AKR1B15: variants seen among roughly 807,000 people sequenced by gnomAD.
The protein encoded by AKR1B15 is aldo-keto reductase family 1 member B15.
Under a neutral mutation model 38.5 loss-of-function variants are expected in AKR1B15, and 49 were observed. That is an observed-to-expected ratio of 1.27 (90% CI 1.01 to 1.62). The LOEUF is 1.62. AKR1B15 is among the 40% of genes most tolerant of loss of function. The pLI is 0.00. For synonymous variants in AKR1B15, 137 were observed against 135.5 expected, an observed-to-expected ratio of 1.01 and a Z score of -0.08; for missense variants, 411 against 381.6, an observed-to-expected ratio of 1.08 and a Z score of -0.64.
chr7:134,570,104 G>T (rs570406591), intron 5 of AKR1B15: 1 of 152,776 alleles, frequency 6.5e-6, no homozygotes, highest in South Asian at 2.1e-4. Flanking sequence ...CGCTCCTAGG[G>T]GTAGGCCTCT....
intron 3 of AKR1B15, among the ~76,000 whole-genome samples, chr7:134,565,954 G>A (rs1453008805): frequency 2.6e-5 from 4 of 152,112 alleles, no homozygotes; most frequent in African/African-American, 9.7e-5. Flanking sequence ...AGATCACCAT[G>A]TGGGACTTGG....
chr7:134,572,188 C>T (rs1794682115), intron 6 of AKR1B15, among the ~76,000 whole-genome samples: 1 of 152,092 alleles, frequency 6.6e-6, no homozygotes, highest in Non-Finnish European at 1.5e-5. Flanking sequence ...GGTTAACATC[C>T]CCATTTATAA....
At chr7:134,577,101 G>A (rs1794782557) in intron 10 of AKR1B15, 55 bp downstream of exon 10, 1 of 1,519,838 alleles carries the variant, frequency 6.6e-7, no homozygotes, top group Non-Finnish European at 9.1e-7. Context: ...GGGACAGGCA[G>A]ACCTTCTCAC....
chr7:134,560,902 G>C (rs1794367848), intron 2 of AKR1B15, among the ~76,000 whole-genome samples: 3 of 152,158 alleles, frequency 2.0e-5, no homozygotes, highest in African/African-American at 7.2e-5. Flanking sequence ...TTGATCTTTG[G>C]AGCCAAGGCT....
Position 134,579,675 on chromosome 7 carries a change from C to A in AKR1B15, c.*126C>A. The A allele has an allele frequency of 1.2e-6, 1 of 809,132 alleles. No homozygotes were observed. Among genetic ancestry groups the A allele is most frequent in the South Asian group, 2.0e-5 (1 of 49,434 alleles). 50.1% of individuals were successfully genotyped at this position (809,132 alleles called of 1,614,324 possible). ...ACAGTGAACTTTGTCCTGTTGTAGA[C>A]CAGAATGGAGGTGCTGTTTTAGACA... is the stretch of plus-strand genomic sequence containing the variant. On this transcript the variant is annotated 3_prime_UTR_variant, in exon 12 of 12. Coordinates refer to ENST00000457545, the MANE Select transcript of AKR1B15 (RefSeq NM_001080538.3).
At chr7:134,562,842 CT>C (rs774096530) in intron 2 of AKR1B15, among the ~76,000 whole-genome samples, 2 of 74,288 alleles carry the variant, frequency 2.7e-5, no homozygotes, top group Middle Eastern at 0.011. Flanking sequence ...CTCTTTCTTT[CT>C]TTCTTTCTTT....
chr7:134,557,592 C>T (rs1369116847), intron 2 of AKR1B15, among the ~76,000 whole-genome samples: 22 of 152,138 alleles, frequency 1.4e-4, no homozygotes, highest in Admixed American at 1.4e-3. Flanking sequence ...TTGACGGTGC[C>T]CAAAGCCTTT....
intron 2 of AKR1B15, among the ~76,000 whole-genome samples, chr7:134,558,305 C>A (rs951998886): frequency 1.3e-5 from 2 of 152,316 alleles, no homozygotes; most frequent in East Asian, 1.9e-4. Flanking sequence ...CACTGAAATG[C>A]CTCCAATTGG....
chr7:134,553,566 A>C (rs1794071009), intron 1 of AKR1B15, among the ~76,000 whole-genome samples: 1 of 152,194 alleles, frequency 6.6e-6, no homozygotes, highest in Non-Finnish European at 1.5e-5. Context: ...TCTGGGCCAG[A>C]ATTTAACCCT....
At chr7:134,559,672 G>C (rs1304484683) in intron 2 of AKR1B15, among the ~76,000 whole-genome samples, 1 of 152,146 alleles carries the variant, frequency 6.6e-6, no homozygotes, top group Admixed American at 6.5e-5. Flanking sequence ...TTTTAACCAA[G>C]TAAAGCTTCT....
intron 1 of AKR1B15, among the ~76,000 whole-genome samples, chr7:134,552,781 C>T (rs1794032134): frequency 6.6e-6 from 1 of 152,114 alleles, no homozygotes; most frequent in Admixed American, 6.5e-5. Context: ...CCTATCTTTG[C>T]TTTTGAACAG....
At chr7:134,558,968 G>A (rs1290456985) in intron 2 of AKR1B15, among the ~76,000 whole-genome samples, 1 of 152,052 alleles carries the variant, frequency 6.6e-6, no homozygotes, top group Admixed American at 6.5e-5. Flanking sequence ...TATGTACTGA[G>A]ACTGCAGTCT....
intron 4 of AKR1B15, among the ~76,000 whole-genome samples, chr7:134,569,082 C>G (rs1485075072): frequency 3.9e-5 from 6 of 152,214 alleles, no homozygotes; most frequent in Admixed American, 6.5e-5. Context: ...AAGCTACACG[C>G]AATTCCTGCT....
chr7:134,555,139 A>G (rs1262285562), intron 1 of AKR1B15, among the ~76,000 whole-genome samples: 5 of 152,182 alleles, frequency 3.3e-5, no homozygotes, highest in African/African-American at 1.2e-4. Flanking sequence ...CCCATTTAGC[A>G]GAAATCTCAC....
intron 11 of AKR1B15, among the ~76,000 whole-genome samples, chr7:134,578,860 G>A (rs6973824): frequency 0.35 from 53,375 of 151,978 alleles, 9,700 homozygotes; most frequent in African/African-American, 0.42. Flanking sequence ...TAAAAAGGAA[G>A]GGTGAACATA....
intron 2 of AKR1B15, among the ~76,000 whole-genome samples, chr7:134,560,749 T>C (rs550325724): frequency 2.6e-5 from 4 of 152,306 alleles, no homozygotes; most frequent in Non-Finnish European, 5.9e-5. Flanking sequence ...CTAATGGTTG[T>C]ACACCTGAAA....
chr7:134,569,451 A>G lies in AKR1B15; in HGVS notation c.357A>G (p.Lys119=), dbSNP rs763691725. Residue 119 remains lysine (K), a synonymous_variant, in exon 5 of 12, where the codon AAA becomes AAG. Transcript: ENST00000457545. The stretch of plus-strand genomic sequence containing the variant: ...TCTTTGAGAGACCCCTTGTGAGGAA[A>G]GCCTTTGAGAAGACCCTCAAGGACC... The part of the protein sequence containing the change: ...PTFFERPLVR[K]AFEKTLKDLK... 6.2e-7 allele frequency: 1 copy of G among 1,614,046 alleles called. No homozygotes were observed. Among genetic ancestry groups the G allele is most frequent in the East Asian group, 2.2e-5 (1 of 44,852 alleles).
intron 3 of AKR1B15, chr7:134,565,280 C>A: frequency 1.2e-6 from 1 of 828,476 alleles, no homozygotes; most frequent in Non-Finnish European, 1.8e-6. Flanking sequence ...CACAAACCCA[C>A]CAGAAGGGAG....
At chr7:134,564,958 G>T in intron 3 of AKR1B15, 189 bp downstream of exon 3, 1 of 407,218 alleles carries the variant, frequency 2.5e-6, no homozygotes, top group Non-Finnish European at 4.4e-6. Flanking sequence ...GATTGTAAAT[G>T]CACCAATCAG....
Sources: gnomAD v4.1 joint callset for allele counts (sites outside exome capture counted in the v4.1 genomes callset) on GRCh38, gnomAD v4.1.1 for gene constraint, MANE v1.5 for transcripts, NCBI Gene and HGNC (gene_info 2026-07-23, HGNC 2026-07-21) for gene names.